The following GALNT2 variants were observed in gnomAD, a reference collection of about 807,000 sequenced individuals.
GALNT2 encodes the protein polypeptide N-acetylgalactosaminyltransferase 2.
Under a neutral mutation model 81.4 loss-of-function variants are expected in GALNT2, and 31 were observed. That is an observed-to-expected ratio of 0.38 (90% CI 0.29 to 0.51). The LOEUF (loss-of-function observed/expected upper bound fraction) is 0.51. Among genes scored for constraint, GALNT2 ranks in the 20% least tolerant of loss-of-function variants. GALNT2 has a pLI of 0.87. For synonymous variants in GALNT2, 303 were observed against 287.4 expected (o/e 1.05, Z -0.55); for missense variants, 629 against 765.7 (o/e 0.82, Z 2.11).
intron 6 of GALNT2, among the ~76,000 whole-genome samples, chr1:230,240,412 T>C (rs1407760352): frequency 6.6e-6 from 1 of 152,130 alleles, no homozygotes; most frequent in Non-Finnish European, 1.5e-5. Flanking sequence ...GCCAACATGG[T>C]GAAACCCCGT....
intron 1 of GALNT2, among the ~76,000 whole-genome samples, chr1:230,128,584 C>G (rs560282570): frequency 8.2e-6 from 1 of 122,518 alleles, no homozygotes; most frequent in South Asian, 2.6e-4. Context: ...CAGGAATGAT[C>G]TTAGAGAAGG....
intron 1 of GALNT2, among the ~76,000 whole-genome samples, chr1:230,085,148 A>G (rs769553295): frequency 9.9e-5 from 15 of 152,146 alleles, no homozygotes; most frequent in Non-Finnish European, 1.9e-4. Flanking sequence ...AAAAGTTTTT[A>G]TTATTAACTC....
intron 1 of GALNT2, among the ~76,000 whole-genome samples, chr1:230,088,800 G>A (rs1037500475): frequency 6.6e-6 from 1 of 152,050 alleles, no homozygotes; most frequent in Non-Finnish European, 1.5e-5. Flanking sequence ...GCCTTCCAAA[G>A]TGCTGGGATT....
In GALNT2 at chr1:230,271,115, C is replaced by G. The variant is rs1350283305; in HGVS notation, c.1441-3330C>G. ...CCAGCGTTGTCCCTCTTACTCAGGA[C>G]TCTCCTCTTCACTGTGAGTGGGCGT... On this transcript the variant is annotated intron_variant, in intron 14 of 15. Transcript: ENST00000366672. This position sits in a 1 kb window ranked among gnomAD's most constrained non-coding sequence, Gnocchi z 4.2. Among the ~76,000 whole-genome samples the G allele has an allele frequency of 6.6e-6, 1 of 152,238 alleles. No individual in the cohort carries two copies. Among genetic ancestry groups the G allele is most frequent in the African/African-American group, 2.4e-5 (1 of 41,460 alleles).
chr1:230,251,752 C>T (rs3789630), intron 10 of GALNT2, among the ~76,000 whole-genome samples: 11,916 of 152,148 alleles, frequency 0.078, 969 homozygotes, highest in African/African-American at 0.19. Flanking sequence ...GGCAGCGTAT[C>T]GTGTAGGTGG....
At chr1:230,230,978 A>C (rs1664850193) in intron 3 of GALNT2, among the ~76,000 whole-genome samples, 1 of 152,052 alleles carries the variant, frequency 6.6e-6, no homozygotes, top group African/African-American at 2.4e-5. Context: ...AGTTTATTTA[A>C]ATATGTTTCC....
At chr1:230,139,958 G>A (rs985443478) in intron 1 of GALNT2, among the ~76,000 whole-genome samples, 1 of 152,198 alleles carries the variant, frequency 6.6e-6, no homozygotes, top group African/African-American at 2.4e-5. Flanking sequence ...GCGTAGCCCT[G>A]GGAGGAAGGG....
At chr1:230,195,605 G>C (rs116468576) in intron 2 of GALNT2, among the ~76,000 whole-genome samples, 30 of 152,206 alleles carry the variant, frequency 2.0e-4, no homozygotes, top group Non-Finnish European at 3.8e-4. Flanking sequence ...TCAGCGGTGC[G>C]GGCATGGCTA....
chr1:230,145,560 G>A (rs995242111), intron 1 of GALNT2, among the ~76,000 whole-genome samples: 1 of 152,250 alleles, frequency 6.6e-6, no homozygotes, highest in Non-Finnish European at 1.5e-5. Flanking sequence ...GTTCTCTGGG[G>A]ATTCCTCCGC....
intron 1 of GALNT2, among the ~76,000 whole-genome samples, chr1:230,154,568 AT>A (rs1572026743): frequency 2.0e-5 from 3 of 152,226 alleles, no homozygotes; most frequent in African/African-American, 7.2e-5. Flanking sequence ...CTTTATAGAT[AT>A]AATCAAATTA....
At chr1:230,171,314 C>G (rs1455050863) in intron 1 of GALNT2, among the ~76,000 whole-genome samples, 5 of 152,230 alleles carry the variant, frequency 3.3e-5, no homozygotes, top group Non-Finnish European at 7.3e-5. Context: ...TTAGCTTAGT[C>G]TTACCTTTTG....
At chr1:230,222,983 A>G (rs903935566) in intron 3 of GALNT2, among the ~76,000 whole-genome samples, 4 of 152,190 alleles carry the variant, frequency 2.6e-5, no homozygotes, top group Admixed American at 6.5e-5. Context: ...AGTAACATCT[A>G]TACTCATTTC....
At chr1:230,112,508 T>C (rs1217068730) in intron 1 of GALNT2, among the ~76,000 whole-genome samples, 1 of 152,050 alleles carries the variant, frequency 6.6e-6, no homozygotes, top group African/African-American at 2.4e-5. Context: ...CTGGTCTGAA[T>C]GGGCAGGATT....
At chr1:230,061,089 G>T (rs1659035613) in intron 1 of GALNT2, among the ~76,000 whole-genome samples, 1 of 152,136 alleles carries the variant, frequency 6.6e-6, no homozygotes, top group Non-Finnish European at 1.5e-5. Flanking sequence ...GGTGCAAGGG[G>T]TGCTCATTGC....
chr1:230,228,950 A>G (rs904133791), intron 3 of GALNT2, among the ~76,000 whole-genome samples: 1 of 152,264 alleles, frequency 6.6e-6, no homozygotes, highest in Admixed American at 6.5e-5. Context: ...ATATACATGG[A>G]TATACATAAT....
At chr1:230,108,316 T>C (rs931405012) in intron 1 of GALNT2, among the ~76,000 whole-genome samples, 8 of 152,260 alleles carry the variant, frequency 5.3e-5, no homozygotes, top group African/African-American at 1.9e-4. Flanking sequence ...TGGTTTCGCT[T>C]ACACTTTTTC....
intron 15 of GALNT2, among the ~76,000 whole-genome samples, chr1:230,276,227 C>T (rs1666305521): frequency 6.6e-6 from 1 of 152,006 alleles, no homozygotes. Context: ...TTCTACCTGC[C>T]TTGTAAGCCG....
chr1:230,074,163 G>GCTAA (rs1208869428), intron 1 of GALNT2, among the ~76,000 whole-genome samples: 3 of 151,740 alleles, frequency 2.0e-5, no homozygotes, highest in Non-Finnish European at 4.4e-5. Flanking sequence ...TACAACCAGA[G>GCTAA]CTAACTGTAG....
intron 1 of GALNT2, among the ~76,000 whole-genome samples, chr1:230,097,644 A>G (rs1660290293): frequency 6.6e-6 from 1 of 152,198 alleles, no homozygotes; most frequent in Admixed American, 6.5e-5. Flanking sequence ...CATTTTGTAT[A>G]TCCATTTATC....
Sources: gnomAD v4.1 joint callset for allele counts (sites outside exome capture counted in the v4.1 genomes callset) on GRCh38, gnomAD v4.1.1 for gene constraint, Gnocchi (gnomAD v3.1) non-coding constraint, MANE v1.5 for transcripts, NCBI Gene and HGNC (gene_info 2026-07-23, HGNC 2026-07-21) for gene names.